The following DYSF variants were observed in gnomAD, a reference collection of about 807,000 sequenced individuals.
DYSF encodes dysferlin.
A neutral mutation model predicts 274.9 loss-of-function variants in DYSF; 212 were observed. That is an observed-to-expected ratio of 0.77 (90% CI 0.69 to 0.86). The LOEUF is 0.86. Among genes scored for constraint, DYSF ranks in the 40% least tolerant of loss-of-function variants. The probability of loss-of-function intolerance (pLI) is 0.00; values close to 1 mark genes in which losing one functional copy is unlikely to be tolerated. For missense variants in DYSF, 2,666 were observed against 2,783.2 expected (o/e 0.96, Z 0.95); for synonymous variants, 1,091 against 1,078.7 (o/e 1.01, Z -0.22).
chr2:71,461,176 CCA>C (rs1456682910), intron 1 of DYSF, among the ~76,000 whole-genome samples: 1 of 152,120 alleles, frequency 6.6e-6, no homozygotes, highest in Admixed American at 6.5e-5. Context: ...TTGACCAACT[CCA>C]CAGTCTAGCT....
chr2:71,646,132 C>G (rs1034256793), intron 42 of DYSF, among the ~76,000 whole-genome samples: 14 of 152,246 alleles, frequency 9.2e-5, no homozygotes, highest in African/African-American at 3.1e-4. Flanking sequence ...AGCTGCGATC[C>G]TCAGGCAGCA....
At chr2:71,505,163 G>T (rs1278032321) in intron 4 of DYSF, among the ~76,000 whole-genome samples, 1 of 152,222 alleles carries the variant, frequency 6.6e-6, no homozygotes, top group East Asian at 1.9e-4. Flanking sequence ...TCTAGTCCAT[G>T]TGATGGCATT....
At chr2:71,608,764 T>C (rs528776633) in intron 36 of DYSF, among the ~76,000 whole-genome samples, 2 of 152,088 alleles carry the variant, frequency 1.3e-5, no homozygotes, top group East Asian at 1.9e-4. Context: ...ACCGAGGAAA[T>C]GAGGGATAAA....
chr2:71,664,330 A>G lies in DYSF; in HGVS notation c.5066A>G (p.Tyr1689Cys), dbSNP rs2094957147. Reference protein sequence around the residue: ...EKDLKITLYDYDLLSKDEKIG... With the variant: ...EKDLKITLYDCDLLSKDEKIG... ...GACCTAAAGATCACTCTCTATGACT[A>G]TGACCTCCTCTCCAAGGACGAAAAG... Residue 1689 changes from tyrosine (Y) to cysteine (C), a missense_variant, in exon 46 of 56, where the codon TAT (tyrosine) becomes TGT (cysteine). This residue lies in a region of DYSF where 1,460 missense variants were observed against 1,502.1 expected (regional missense o/e 0.97). Coordinates refer to ENST00000410020, the MANE Select transcript of DYSF (RefSeq NM_001130987.2). The G allele has an allele frequency of 1.9e-6, 3 of 1,614,164 alleles. No individual in the cohort carries two copies. The highest frequency in any genetic ancestry group is 1.1e-5 in the South Asian group (1 of 91,082).
At chr2:71,537,845 G>T (rs2089542427) in intron 16 of DYSF, among the ~76,000 whole-genome samples, 1 of 152,162 alleles carries the variant, frequency 6.6e-6, no homozygotes, top group African/African-American at 2.4e-5. Flanking sequence ...AACAGGGAGA[G>T]GGGGTCTACG....
chr2:71,665,039 C>T (rs971567946), intron 46 of DYSF, 123 bp from the exon 47 acceptor site: 6 of 1,475,710 alleles, frequency 4.1e-6, no homozygotes, highest in African/African-American at 1.4e-5. Flanking sequence ...TCAGATGGGA[C>T]ACCCACTGTA....
At chr2:71,605,529 T>TGGGGA (rs2093631160) in intron 36 of DYSF, among the ~76,000 whole-genome samples, 1 of 149,374 alleles carries the variant, frequency 6.7e-6, no homozygotes, top group African/African-American at 2.5e-5. Context: ...TTCGGGGAGG[T>TGGGGA]GGGGAGGGGA....
At chr2:71,664,502 A>G (rs2094960070) in intron 46 of DYSF, 64 bp downstream of exon 46, 3 of 1,588,704 alleles carry the variant, frequency 1.9e-6, no homozygotes. Context: ...TTCTCTGACA[A>G]CACACCACCA....
At chr2:71,592,740 C>T (rs1222270058) in intron 32 of DYSF, among the ~76,000 whole-genome samples, 1 of 152,236 alleles carries the variant, frequency 6.6e-6, no homozygotes, top group Non-Finnish European at 1.5e-5. Context: ...ACCTGTGGCT[C>T]TCTGGGCCTT....
chr2:71,589,118 T>C (rs545044727), intron 30 of DYSF, among the ~76,000 whole-genome samples: 11 of 152,216 alleles, frequency 7.2e-5, no homozygotes, highest in Non-Finnish European at 1.6e-4. Flanking sequence ...GAGTGGGAAC[T>C]GGTGAGAGAT....
chr2:71,532,006 A>G (rs751958009), intron 14 of DYSF, among the ~76,000 whole-genome samples: 3 of 152,192 alleles, frequency 2.0e-5, no homozygotes, highest in Non-Finnish European at 4.4e-5. Flanking sequence ...TTCAGGGTTC[A>G]TGGTGACCTT....
chr2:71,601,474 CA>C (rs1346290660), intron 34 of DYSF, 24 bp from the exon 35 acceptor site: 1 of 1,614,028 alleles, frequency 6.2e-7, no homozygotes, highest in Non-Finnish European at 8.5e-7. Context: ...AGCACATGAC[CA>C]GAGCTCTCTT....
intron 43 of DYSF, among the ~76,000 whole-genome samples, chr2:71,658,488 T>C (rs2152940366): frequency 6.6e-6 from 1 of 152,308 alleles, no homozygotes; most frequent in African/African-American, 2.4e-5. Flanking sequence ...TACTGTATTA[T>C]TCTGTTTTCA....
At chr2:71,494,559 A>G (rs2084188238) in intron 3 of DYSF, among the ~76,000 whole-genome samples, 1 of 152,164 alleles carries the variant, frequency 6.6e-6, no homozygotes, top group South Asian at 2.1e-4. Flanking sequence ...TTTCATCTCC[A>G]GCACTCCTTC....
At chr2:71,630,070 C>CT (rs1439673434) in intron 41 of DYSF, among the ~76,000 whole-genome samples, 2 of 152,082 alleles carry the variant, frequency 1.3e-5, no homozygotes, top group Admixed American at 6.6e-5. Flanking sequence ...TTAATATCTT[C>CT]TTTTTTTTCC....
At chr2:71,598,774 C>G in intron 33 of DYSF, 29 bp downstream of exon 33, 1 of 1,606,148 alleles carries the variant, frequency 6.2e-7, no homozygotes, top group South Asian at 1.1e-5. Flanking sequence ...TGCCTCGTCC[C>G]CTCACAGGGA....
intron 41 of DYSF, among the ~76,000 whole-genome samples, chr2:71,627,165 ATTTCT>A (rs1182902747): frequency 6.7e-6 from 1 of 150,056 alleles, no homozygotes; most frequent in African/African-American, 2.5e-5. Context: ...CTTCCATTTT[ATTTCT>A]TTTCTTCCAT....
intron 41 of DYSF, among the ~76,000 whole-genome samples, chr2:71,626,293 T>C (rs227773): frequency 0.48 from 72,682 of 151,088 alleles, 17,733 homozygotes; most frequent in Admixed American, 0.57. Flanking sequence ...CCTGTTAGAA[T>C]CTTACTAGTT....
chr2:71,468,997 C>CTGAGAATCACTTGTAGAACGTGTT (rs1218823027), intron 1 of DYSF, among the ~76,000 whole-genome samples: 26 of 152,190 alleles, frequency 1.7e-4, no homozygotes, highest in Non-Finnish European at 3.4e-4. Context: ...TTGATTGTTC[C>CTGAGAATCACTTGTAGAACGTGTT]TGAGAATCAC....
Sources: allele counts gnomAD v4.1 joint callset (sites outside exome capture counted in the v4.1 genomes callset), GRCh38; gene constraint gnomAD v4.1.1; regional missense constraint gnomAD v4.1.1; transcripts MANE v1.5; gene names NCBI Gene and HGNC (gene_info 2026-07-23, HGNC 2026-07-21).